The following GAS2 variants were observed in gnomAD, a reference collection of about 807,000 sequenced individuals.
GAS2 encodes growth arrest-specific protein 2.
Under a neutral mutation model 37.5 loss-of-function variants are expected in GAS2, and 20 were observed. The ratio of observed to expected loss-of-function variants is 0.53; its 90% CI spans 0.37 to 0.77. The LOEUF is 0.77. Ranked by LOEUF, GAS2 falls within the 30% of genes least tolerant of loss-of-function variation. The pLI, the probability that GAS2 is intolerant of heterozygous loss-of-function variation, is 0.00. For missense variants in GAS2, 336 were observed against 373.4 expected, an observed-to-expected ratio of 0.90 and a Z score of 0.82; for synonymous variants, 144 against 132.2, an observed-to-expected ratio of 1.09 and a Z score of -0.61.
chr11:22,792,567 C>A (rs922955179), intron 7 of GAS2, among the ~76,000 whole-genome samples: 1 of 152,144 alleles, frequency 6.6e-6, no homozygotes, highest in Non-Finnish European at 1.5e-5. Context: ...AACATGGGAG[C>A]TTTGGGAGTT....
At chr11:22,738,779 T>A (rs939980350) in intron 5 of GAS2, among the ~76,000 whole-genome samples, 4 of 152,220 alleles carry the variant, frequency 2.6e-5, no homozygotes, top group African/African-American at 9.6e-5. Flanking sequence ...AATCAGAATA[T>A]GTAACCTCAA....
intron 2 of GAS2, 62 bp downstream of exon 2, chr11:22,675,076 T>A: frequency 6.5e-7 from 1 of 1,530,942 alleles, no homozygotes; most frequent in Non-Finnish European, 8.9e-7. Flanking sequence ...TTTTTCCTCC[T>A]GTAGTGTCCT....
intron 6 of GAS2, 66 bp from the exon 7 acceptor site, chr11:22,755,780 T>G: frequency 8.4e-7 from 1 of 1,197,388 alleles, no homozygotes; most frequent in Middle Eastern, 1.9e-4. Context: ...CGTGGAGTCC[T>G]TGGAGCAAAT....
At chr11:22,696,454 ACC>A (rs1850521185) in intron 3 of GAS2, among the ~76,000 whole-genome samples, 2 of 152,020 alleles carry the variant, frequency 1.3e-5, no homozygotes, top group Admixed American at 6.6e-5. Flanking sequence ...TTGGGTATAT[ACC>A]CAGTAATGAG....
At chr11:22,708,266 TA>T (rs1351130668) in intron 3 of GAS2, among the ~76,000 whole-genome samples, 4 of 152,164 alleles carry the variant, frequency 2.6e-5, no homozygotes, top group African/African-American at 9.7e-5. Context: ...ATATTATGGA[TA>T]TTTTTGAGAT....
chr11:22,630,102 G>A (rs886391769), intron 1 of GAS2, among the ~76,000 whole-genome samples: 16 of 151,946 alleles, frequency 1.1e-4, no homozygotes, highest in Non-Finnish European at 2.2e-4. Context: ...CAATGTGCAG[G>A]TTTGTTACAT....
intron 1 of GAS2, among the ~76,000 whole-genome samples, chr11:22,649,169 G>T (rs1188659159): frequency 6.6e-6 from 1 of 151,124 alleles, no homozygotes; most frequent in East Asian, 1.9e-4. Context: ...CATCTATTGA[G>T]ATAATCATGT....
At chr11:22,746,174 C>T (rs572484418) in intron 5 of GAS2, among the ~76,000 whole-genome samples, 1 of 151,984 alleles carries the variant, frequency 6.6e-6, no homozygotes, top group Non-Finnish European at 1.5e-5. Flanking sequence ...AGAGCAAGAT[C>T]ATGTCTCAAA....
intron 3 of GAS2, among the ~76,000 whole-genome samples, chr11:22,698,295 G>T (rs2758356): frequency 6.6e-6 from 1 of 151,874 alleles, no homozygotes; most frequent in African/African-American, 2.4e-5. Context: ...CCTCAACACA[G>T]TCACCCTCCC....
At chr11:22,727,144 T>G (rs1382565210) in intron 4 of GAS2, among the ~76,000 whole-genome samples, 1 of 152,008 alleles carries the variant, frequency 6.6e-6, no homozygotes, top group East Asian at 1.9e-4. Flanking sequence ...CTCCATACAC[T>G]AGGATAACAT....
At chr11:22,799,021 G>T (rs933757521) in intron 7 of GAS2, among the ~76,000 whole-genome samples, 8 of 152,012 alleles carry the variant, frequency 5.3e-5, no homozygotes, top group Non-Finnish European at 1.2e-4. Context: ...ATTTTCTCTC[G>T]AGTTATGATG....
chr11:22,755,613 C>T (rs1853986558), intron 6 of GAS2: 4 of 369,176 alleles, frequency 1.1e-5, no homozygotes, highest in Non-Finnish European at 2.0e-5. Flanking sequence ...CCAGCATCAT[C>T]ACTGTCATTA....
chr11:22,693,671 T>G (rs1000136829), intron 3 of GAS2, among the ~76,000 whole-genome samples: 2 of 152,206 alleles, frequency 1.3e-5, no homozygotes, highest in Non-Finnish European at 2.9e-5. Flanking sequence ...TTTGCAAAAG[T>G]GTACTAGTTA....
chr11:22,635,490 A>G (rs1039368394), intron 1 of GAS2, among the ~76,000 whole-genome samples: 1 of 152,210 alleles, frequency 6.6e-6, no homozygotes, highest in Admixed American at 6.5e-5. Context: ...GGTTCCAGAT[A>G]GCCTGTGCTC....
At chr11:22,743,450 A>G (rs1853205788) in intron 5 of GAS2, among the ~76,000 whole-genome samples, 2 of 152,094 alleles carry the variant, frequency 1.3e-5, no homozygotes, top group African/African-American at 2.4e-5. Flanking sequence ...GAAGTACACT[A>G]TTTAATTCCT....
At chr11:22,697,097 A>G (rs1850565080) in intron 3 of GAS2, among the ~76,000 whole-genome samples, 1 of 152,288 alleles carries the variant, frequency 6.6e-6, no homozygotes, top group Admixed American at 6.5e-5. Flanking sequence ...TAAGTCTTTA[A>G]TCCATCTTGA....
At chr11:22,691,525 T>A (rs1850246028) in intron 3 of GAS2, among the ~76,000 whole-genome samples, 1 of 152,120 alleles carries the variant, frequency 6.6e-6, no homozygotes, top group Admixed American at 6.6e-5. Flanking sequence ...GAAAATAAAA[T>A]CTCAGCTGTG....
intron 7 of GAS2, among the ~76,000 whole-genome samples, chr11:22,809,145 G>T (rs1857025128): frequency 6.6e-6 from 1 of 152,128 alleles, no homozygotes; most frequent in Non-Finnish European, 1.5e-5. Context: ...AACACCATGG[G>T]TTAGATCCTC....
intron 7 of GAS2, among the ~76,000 whole-genome samples, chr11:22,775,740 C>T (rs1000490777): frequency 1.3e-5 from 2 of 152,072 alleles, no homozygotes; most frequent in Non-Finnish European, 2.9e-5. Flanking sequence ...AAAGCACAGA[C>T]TAGTGCTCCT....
Sources: gnomAD v4.1 joint callset for allele counts (sites outside exome capture counted in the v4.1 genomes callset) on GRCh38, gnomAD v4.1.1 for gene constraint, MANE v1.5 for transcripts, NCBI Gene and HGNC (gene_info 2026-07-23, HGNC 2026-07-21) for gene names.